Variants in HLF observed in about 807,000 individuals in gnomAD.
The protein encoded by HLF is HLF transcription factor, PAR bZIP family member.
Under a neutral mutation model 22.6 loss-of-function variants are expected in HLF, and 3 were observed. The observed-to-expected ratio is 0.13, with a 90% CI of 0.06 to 0.34. The LOEUF is 0.34. HLF is among the 10% of genes least tolerant of loss of function. HLF has a pLI of 1.00. For synonymous variants in HLF, 151 were observed against 151.8 expected (o/e 0.99, Z 0.04); for missense variants, 299 against 389.2 (o/e 0.77, Z 1.95).
chr17:55,269,389 T>G (rs1405187102), intron 2 of HLF, among the ~76,000 whole-genome samples: 2 of 152,148 alleles, frequency 1.3e-5, no homozygotes, highest in Non-Finnish European at 2.9e-5. Context: ...CCCCTGCTAC[T>G]TAGAATGTGC....
intron 2 of HLF, among the ~76,000 whole-genome samples, chr17:55,302,494 C>T (rs1904340553): frequency 6.6e-6 from 1 of 151,992 alleles, no homozygotes; most frequent in Non-Finnish European, 1.5e-5. Context: ...TGTTTTGTTT[C>T]GTTTGGTTTT....
chr17:55,285,823 G>C (rs2080998593), intron 2 of HLF, among the ~76,000 whole-genome samples: 2 of 152,240 alleles, frequency 1.3e-5, no homozygotes, highest in South Asian at 4.1e-4. Flanking sequence ...GTAAGTTAGA[G>C]AAGTGTTGTT....
intron 2 of HLF, among the ~76,000 whole-genome samples, chr17:55,293,520 A>C (rs979005304): frequency 2.0e-5 from 3 of 152,214 alleles, no homozygotes; most frequent in African/African-American, 7.2e-5. Flanking sequence ...ACCCTTCTTT[A>C]GTGCTTCTTA....
chr17:55,274,995 G>C (rs192250008), intron 2 of HLF, among the ~76,000 whole-genome samples: 15 of 152,294 alleles, frequency 9.8e-5, no homozygotes, highest in Admixed American at 8.5e-4. Flanking sequence ...CCTTCTCTTA[G>C]CCTTTGAATT....
At chr17:55,316,282 A>ATTATTATG (rs1431335016) in intron 3 of HLF, among the ~76,000 whole-genome samples, 1 of 152,184 alleles carries the variant, frequency 6.6e-6, no homozygotes, top group African/African-American at 2.4e-5. Flanking sequence ...TAGAGATATG[A>ATTATTATG]TTATTATGTA....
At chr17:55,288,467 T>A (rs2081027009) in intron 2 of HLF, among the ~76,000 whole-genome samples, 1 of 152,036 alleles carries the variant, frequency 6.6e-6, no homozygotes, top group African/African-American at 2.4e-5. Flanking sequence ...GTTTTCTGAT[T>A]GGTAAACATT....
intron 2 of HLF, among the ~76,000 whole-genome samples, chr17:55,279,432 T>C (rs2080933296): frequency 6.6e-6 from 1 of 152,144 alleles, no homozygotes; most frequent in East Asian, 1.9e-4. Flanking sequence ...TTTGTCTTCT[T>C]TATAAAGAAA....
At chr17:55,306,537 A>AGTGT (rs60472672) in intron 2 of HLF, among the ~76,000 whole-genome samples, 7,924 of 143,622 alleles carry the variant, frequency 0.055, 272 homozygotes, top group African/African-American at 0.098. Context: ...GCAAAAAGGA[A>AGTGT]GTGTGTGTGT....
Position 55,315,426 on chromosome 17 carries a change from C to G in HLF, c.651C>G (p.Val217=). Residue 217 remains valine (V), a synonymous_variant, in exon 3 of 4, where the codon GTC becomes GTG. Coordinates refer to ENST00000226067, the MANE Select transcript of HLF (RefSeq NM_002126.5). The stretch of plus-strand genomic sequence containing the variant: ...CCATGATCAAGAAAGCTCGCAAAGT[C>G]TTCATCCCTGATGACCTGAAGGTAA... The part of the protein sequence containing the change: ...PQPMIKKARK[V]FIPDDLKDDK... 1 of 1,613,956 alleles carries G rather than the reference C, an allele frequency of 6.2e-7. No homozygotes were observed. The highest frequency in any genetic ancestry group is 8.5e-7 in the Non-Finnish European group (1 of 1,179,834).
intron 1 of HLF, chr17:55,266,826 A>G: frequency 2.0e-6 from 2 of 984,706 alleles, no homozygotes; most frequent in South Asian, 4.7e-5. Flanking sequence ...AATGCTTGTT[A>G]AAGACCTAAT....
At chr17:55,284,493 T>G (rs2080983468) in intron 2 of HLF, among the ~76,000 whole-genome samples, 1 of 152,210 alleles carries the variant, frequency 6.6e-6, no homozygotes, top group Non-Finnish European at 1.5e-5. Flanking sequence ...GTTTGCAGAT[T>G]AACCAAGGTG....
chr17:55,318,172 G>A (rs1046988904), intron 3 of HLF, among the ~76,000 whole-genome samples: 1 of 152,160 alleles, frequency 6.6e-6, no homozygotes, highest in African/African-American at 2.4e-5. Flanking sequence ...GAGAGGGAAA[G>A]GGGGCAGAGG....
In HLF at chr17:55,308,650, G is replaced by A. The variant is rs150738543; in HGVS notation, c.452-6577G>A. On this transcript the variant is annotated intron_variant, in intron 2 of 3. Coordinates refer to ENST00000226067, the MANE Select transcript of HLF (RefSeq NM_002126.5). Reference sequence around the variant, plus strand: ...ACCCAGGTCTGACTCACTTCACAGCGTAAAACGACTGTCCTGTACAAATTT... The same window carrying A: ...ACCCAGGTCTGACTCACTTCACAGCATAAAACGACTGTCCTGTACAAATTT... Among the ~76,000 whole-genome samples, 89 of 152,260 alleles carry A rather than the reference G, an allele frequency of 5.8e-4. No homozygotes were observed. In the East Asian group the frequency reaches 0.012, roughly 20 times the overall value.
intron 2 of HLF, among the ~76,000 whole-genome samples, chr17:55,308,368 C>T (rs1445526839): frequency 2.6e-5 from 4 of 152,152 alleles, no homozygotes; most frequent in Admixed American, 2.0e-4. Flanking sequence ...TGCACACTTT[C>T]CGGGTACTAC....
chr17:55,323,214 CTT>C lies in HLF; in HGVS notation c.*2338_*2339del, dbSNP rs912587248. ...TTCAGGTGAATAATAAAATCAAAAA[CTT>C]TTGCAATCTTAAGCAGAGATAAATA... On this transcript the variant is annotated 3_prime_UTR_variant, in exon 4 of 4. Transcript: ENST00000226067. 46 of 217,948 alleles carry C rather than the reference CTT, an allele frequency of 2.1e-4. No individual in the cohort carries two copies. Among genetic ancestry groups the C allele is most frequent in the Admixed American group, 1.7e-4 (3 of 17,284 alleles). 13.5% of individuals were successfully genotyped at this position (217,948 alleles called of 1,614,324 possible).
chr17:55,288,331 A>G (rs764116822), intron 2 of HLF, among the ~76,000 whole-genome samples: 1 of 151,978 alleles, frequency 6.6e-6, no homozygotes, highest in Admixed American at 6.6e-5. Context: ...TATTTTTAGT[A>G]GAGAGGGAGT....
rs551129943 is a variant in HLF, at chr17:55,294,597, T to C, written c.452-20630T>C. Among the ~76,000 whole-genome samples the C allele has an allele frequency of 5.3e-5, 8 of 152,308 alleles. No individual in the cohort carries two copies. In the South Asian group the frequency reaches 1.2e-3, roughly 24 times the overall value. ...GTTGTACGAGCAAAGCATCCGCAGC[T>C]CAGAATGCAAAAATAGATCTCCATG... On this transcript the variant is annotated intron_variant, in intron 2 of 3. Coordinates refer to ENST00000226067, the MANE Select transcript of HLF (RefSeq NM_002126.5).
At chr17:55,298,827 T>G (rs2081132050) in intron 2 of HLF, among the ~76,000 whole-genome samples, 1 of 152,230 alleles carries the variant, frequency 6.6e-6, no homozygotes, top group Admixed American at 6.5e-5. Flanking sequence ...TGAGAAAACT[T>G]GAGTGTATGC....
chr17:55,296,274 A>G (rs568856981), intron 2 of HLF, among the ~76,000 whole-genome samples: 1 of 152,300 alleles, frequency 6.6e-6, no homozygotes, highest in East Asian at 1.9e-4. Flanking sequence ...CATGAGAATT[A>G]CCAGTGATTT....
Sources: allele counts gnomAD v4.1 joint callset (sites outside exome capture counted in the v4.1 genomes callset), GRCh38; gene constraint gnomAD v4.1.1; transcripts MANE v1.5; gene names NCBI Gene and HGNC (gene_info 2026-07-23, HGNC 2026-07-21).